ENPP6: variants seen among roughly 807,000 people sequenced by gnomAD.
The protein encoded by ENPP6 is glycerophosphocholine cholinephosphodiesterase ENPP6.
ENPP6 carries 32 observed loss-of-function variants against 42.0 expected under a neutral mutation model. That is an observed-to-expected ratio of 0.76 (90% CI 0.58 to 1.02). The LOEUF (loss-of-function observed/expected upper bound fraction) is 1.02, where lower values mean the gene tolerates loss of function less well. Among genes scored for constraint, ENPP6 ranks in the 50% least tolerant of loss-of-function variants. The pLI is 0.00. For missense variants in ENPP6, 552 were observed against 566.8 expected (o/e 0.97, Z 0.27); for synonymous variants, 213 against 216.0 (o/e 0.99, Z 0.12).
At chr4:184,119,183 A>C (rs142478709) in intron 3 of ENPP6, among the ~76,000 whole-genome samples, 18 of 152,294 alleles carry the variant, frequency 1.2e-4, no homozygotes, top group Admixed American at 1.1e-3. Flanking sequence ...GAAACTGATA[A>C]GATGAAAATT....
chr4:184,153,083 A>G (rs1052385195), intron 2 of ENPP6, among the ~76,000 whole-genome samples: 14 of 152,078 alleles, frequency 9.2e-5, no homozygotes, highest in Non-Finnish European at 5.9e-5. Flanking sequence ...AGAGAGTTAA[A>G]AACACATTTT....
chr4:184,178,961 CA>C (rs1345818240), intron 1 of ENPP6, among the ~76,000 whole-genome samples: 1 of 152,200 alleles, frequency 6.6e-6, no homozygotes, highest in East Asian at 1.9e-4. Flanking sequence ...GAAGCAACTA[CA>C]TCAACAAGTC....
At chr4:184,149,097 TCCAGA>T (rs1175285059) in intron 2 of ENPP6, among the ~76,000 whole-genome samples, 1 of 152,200 alleles carries the variant, frequency 6.6e-6, no homozygotes, top group African/African-American at 2.4e-5. Flanking sequence ...ATAGTGGATA[TCCAGA>T]CCACTTGTGT....
intron 6 of ENPP6, among the ~76,000 whole-genome samples, chr4:184,098,953 T>G (rs1735954748): frequency 6.6e-6 from 1 of 152,238 alleles, no homozygotes; most frequent in South Asian, 2.1e-4. Flanking sequence ...ATTTACAGGT[T>G]GGCTCACAAG....
intron 6 of ENPP6, among the ~76,000 whole-genome samples, chr4:184,107,353 G>A (rs1736113810): frequency 6.6e-6 from 1 of 152,200 alleles, no homozygotes; most frequent in Non-Finnish European, 1.5e-5. Context: ...TTATCCTATG[G>A]GAATAAGAAC....
intron 1 of ENPP6, among the ~76,000 whole-genome samples, chr4:184,189,694 A>G (rs887887593): frequency 6.6e-6 from 1 of 152,128 alleles, no homozygotes; most frequent in African/African-American, 2.4e-5. Context: ...TGGAGTCCTT[A>G]ATGTCCTCAT....
intron 1 of ENPP6, among the ~76,000 whole-genome samples, chr4:184,197,060 C>A (rs1439061036): frequency 6.6e-6 from 1 of 152,324 alleles, no homozygotes; most frequent in East Asian, 1.9e-4. Context: ...TTGACACAGG[C>A]TGAGAGTGAA....
intron 2 of ENPP6, among the ~76,000 whole-genome samples, chr4:184,131,258 C>CTTTCTCTTTCTTTCTTTCCT (rs1289670998): frequency 8.3e-5 from 3 of 36,190 alleles, no homozygotes; most frequent in African/African-American, 1.2e-4. Flanking sequence ...CTTTCTCTTT[C>CTTTCTCTTTCTTTCTTTCCT]TCTTCCTTCC....
rs1399083787 is a variant in ENPP6, at chr4:184,131,193, CTTTCTTTCTTCT to C, written c.422-6933_422-6922del. ...TCTTTCTTTCTTTCTTTCTTTCTTT[CTTTCTTTCTTCT>C]TTCTTTCTTTCTTTTTCTTTCTTTC... On this transcript the variant is annotated intron_variant, in intron 2 of 7. Transcript: ENST00000296741. Among the ~76,000 whole-genome samples the C allele has an allele frequency of 1.7e-3, 97 of 55,442 alleles. 1 individual carries two copies. Among genetic ancestry groups the C allele is most frequent in the African/African-American group, 6.9e-3 (91 of 13,228 alleles). 36.4% of individuals were successfully genotyped at this position (55,442 alleles called of 152,430 possible).
chr4:184,128,864 A>T (rs996708264), intron 2 of ENPP6, among the ~76,000 whole-genome samples: 3 of 152,208 alleles, frequency 2.0e-5, no homozygotes, highest in Non-Finnish European at 4.4e-5. Context: ...AAAAAGCAGA[A>T]TTTTTGTAGG....
At chr4:184,214,931 T>C (rs546690289) in intron 1 of ENPP6, among the ~76,000 whole-genome samples, 1 of 152,292 alleles carries the variant, frequency 6.6e-6, no homozygotes, top group African/African-American at 2.4e-5. Context: ...CAAACCACCA[T>C]GGCACATGTA....
intron 6 of ENPP6, among the ~76,000 whole-genome samples, chr4:184,102,552 C>T (rs903469900): frequency 1.3e-5 from 2 of 152,232 alleles, no homozygotes; most frequent in Non-Finnish European, 2.9e-5. Context: ...GGCTGGTGGC[C>T]AACAGCTGCC....
intron 2 of ENPP6, among the ~76,000 whole-genome samples, chr4:184,147,988 T>C (rs954265710): frequency 2.0e-5 from 3 of 152,048 alleles, no homozygotes; most frequent in Admixed American, 2.0e-4. Flanking sequence ...ACCTTACCCA[T>C]CCCCTCGTGT....
intron 3 of ENPP6, among the ~76,000 whole-genome samples, chr4:184,120,485 C>G (rs1177921834): frequency 1.3e-5 from 2 of 152,172 alleles, no homozygotes; most frequent in African/African-American, 4.8e-5. Flanking sequence ...GCTCTACAAG[C>G]CTGGAAGCAG....
At chr4:184,152,901 T>C (rs1737080221) in intron 2 of ENPP6, among the ~76,000 whole-genome samples, 1 of 150,086 alleles carries the variant, frequency 6.7e-6, no homozygotes, top group South Asian at 2.1e-4. Flanking sequence ...GTAGAGGAGC[T>C]CAATGACGTA....
intron 1 of ENPP6, among the ~76,000 whole-genome samples, chr4:184,175,820 C>G (rs1258113501): frequency 2.6e-5 from 4 of 152,202 alleles, no homozygotes; most frequent in Non-Finnish European, 5.9e-5. Flanking sequence ...CTGCTATGAA[C>G]CATCACCCCA....
At chr4:184,120,505 C>A (rs1472742442) in intron 3 of ENPP6, among the ~76,000 whole-genome samples, 1 of 152,288 alleles carries the variant, frequency 6.6e-6, no homozygotes, top group South Asian at 2.1e-4. Flanking sequence ...GTTGTCCGGC[C>A]CACTGTGACC....
intron 1 of ENPP6, among the ~76,000 whole-genome samples, chr4:184,170,335 C>G (rs1327998552): frequency 6.6e-6 from 1 of 151,490 alleles, no homozygotes; most frequent in African/African-American, 2.4e-5. Context: ...GAGGCTGAGG[C>G]AGGAGAATCA....
intron 1 of ENPP6, among the ~76,000 whole-genome samples, chr4:184,163,338 G>T (rs1737297626): frequency 6.6e-6 from 1 of 152,132 alleles, no homozygotes; most frequent in African/African-American, 2.4e-5. Context: ...GGGGTAAAAG[G>T]CTTGAGTGTG....
Sources: gnomAD v4.1 joint callset for allele counts (sites outside exome capture counted in the v4.1 genomes callset) on GRCh38, gnomAD v4.1.1 for gene constraint, MANE v1.5 for transcripts, NCBI Gene and HGNC (gene_info 2026-07-23, HGNC 2026-07-21) for gene names.